TIAM2: variants seen among roughly 807,000 people sequenced by gnomAD.
TIAM2 encodes TIAM Rac1 associated GEF 2, also known as rho guanine nucleotide exchange factor TIAM2.
TIAM2 carries 80 observed loss-of-function variants against 152.9 expected under a neutral mutation model. The observed-to-expected ratio is 0.52, with a 90% CI of 0.44 to 0.63. TIAM2 has a LOEUF of 0.63. Among genes scored for constraint, TIAM2 ranks in the 30% least tolerant of loss-of-function variants. The probability of loss-of-function intolerance (pLI) is 0.00; values close to 1 mark genes in which losing one functional copy is unlikely to be tolerated. For missense variants in TIAM2, 1,965 were observed against 2,120.1 expected, an observed-to-expected ratio of 0.93 and a Z score of 1.44; for synonymous variants, 804 against 838.0, an observed-to-expected ratio of 0.96 and a Z score of 0.70.
chr6:155,091,745 C>G (rs1289666294), intron 2 of TIAM2, among the ~76,000 whole-genome samples: 1 of 151,958 alleles, frequency 6.6e-6, no homozygotes, highest in Non-Finnish European at 1.5e-5. Flanking sequence ...ATCTAATTAG[C>G]CTTGGAGAGG....
chr6:155,015,923 C>T (rs1049046018), intron 1 of TIAM2, among the ~76,000 whole-genome samples: 2 of 116,680 alleles, frequency 1.7e-5, no homozygotes, highest in African/African-American at 5.9e-5. Flanking sequence ...GGCCACAGAG[C>T]AAGACCCTGT....
intron 20 of TIAM2, among the ~76,000 whole-genome samples, chr6:155,249,327 T>G (rs1249203271): frequency 6.6e-6 from 1 of 152,186 alleles, no homozygotes; most frequent in African/African-American, 2.4e-5. Context: ...GTTTTTAAGT[T>G]CCATTTAAAC....
At chr6:155,029,892 A>G (rs1285334879) in intron 1 of TIAM2, among the ~76,000 whole-genome samples, 2 of 151,630 alleles carry the variant, frequency 1.3e-5, no homozygotes, top group Non-Finnish European at 2.9e-5. Context: ...TCCCAGACAC[A>G]AGCCATCCTC....
At chr6:155,211,443 T>TTTG in intron 15 of TIAM2, 136 bp downstream of exon 15, 1 of 618,576 alleles carries the variant, frequency 1.6e-6, no homozygotes, top group Non-Finnish European at 2.8e-6. Context: ...CATATATATG[T>TTTG]TAAGGATACA....
intron 14 of TIAM2, among the ~76,000 whole-genome samples, chr6:155,206,236 T>A (rs549301533): frequency 6.6e-6 from 1 of 152,094 alleles, no homozygotes; most frequent in South Asian, 2.1e-4. Flanking sequence ...ACTGTCATCC[T>A]TGTCCACAGC....
At position 155,174,669 on chromosome 6, in the gene TIAM2, A is replaced by G. The variant is rs1199437154; in HGVS notation, c.2362-2147A>G. The stretch of plus-strand genomic sequence containing the variant: ...CAGACGTGAGCCATGGCGCCCGGCC[A>G]AGTGATACAGTCTTTCTCTGATTGT... On this transcript the variant is annotated intron_variant, in intron 9 of 26. Transcript: ENST00000682666. This position sits in a 1 kb window ranked among gnomAD's most constrained non-coding sequence, Gnocchi z 4.2. 6.6e-6 allele frequency among the ~76,000 whole-genome samples: 1 copy of G among 152,210 alleles called. No individual in the cohort carries two copies. The highest frequency in any genetic ancestry group is 2.4e-5 in the African/African-American group (1 of 41,460).
At chr6:155,187,416 G>T (rs1461538218) in intron 14 of TIAM2, among the ~76,000 whole-genome samples, 1 of 151,936 alleles carries the variant, frequency 6.6e-6, no homozygotes, top group Admixed American at 6.6e-5. Flanking sequence ...GACATTCATT[G>T]ATACTAATAA....
intron 2 of TIAM2, among the ~76,000 whole-genome samples, chr6:155,120,007 C>T (rs910665285): frequency 2.6e-5 from 4 of 152,252 alleles, no homozygotes; most frequent in Admixed American, 6.5e-5. Context: ...CCACGACCCA[C>T]GGCTTGATCA....
At chr6:155,233,023 G>T (rs1782558713) in intron 15 of TIAM2, 1 of 152,156 alleles carries the variant, frequency 6.6e-6, no homozygotes, top group Admixed American at 6.5e-5. Flanking sequence ...ACAAGAGTTT[G>T]CAGTACCCAG....
At position 155,257,190 on chromosome 6, in the gene TIAM2, CAA is replaced by C. The variant is rs11455127; in HGVS notation, c.*89_*90del. 120,824 of 526,024 alleles carry C rather than the reference CAA, an allele frequency of 0.23. 4,598 individuals carry two copies. The highest frequency in any genetic ancestry group is 0.38 in the East Asian group (9,332 of 24,560). The allele number at this position is 526,024 out of a possible 1,614,324, so 32.6% of individuals were successfully genotyped here. A position where few individuals can be genotyped will look rare whatever the true frequency, so the allele number is the denominator to read the frequency against. On this transcript the variant is annotated 3_prime_UTR_variant, in exon 27 of 27. Transcript: ENST00000682666. Reference sequence around the variant, plus strand: ...TAAACTGGTGGTAAAGTGGAAATTGCAAAAAAAAAAAAAAAAAAAAACTGTTC... The same window carrying C: ...TAAACTGGTGGTAAAGTGGAAATTGCAAAAAAAAAAAAAAAAAAACTGTTC...
In TIAM2 at chr6:155,144,756, T is replaced by C. The variant is rs761553481; in HGVS notation, c.1781T>C (p.Phe594Ser). 2 of 1,610,588 alleles carry C rather than the reference T, an allele frequency of 1.2e-6. No homozygotes were observed. The highest frequency in any genetic ancestry group is 1.7e-6 in the Non-Finnish European group (2 of 1,178,724). ...KENVFCLSNS[F>S]GDVYLFQATS... ...AATGTGTTCTGCCTCAGCAACTCCT[T>C]TGGAGATGTCTACCTTTTCCAGGTA... Residue 594 changes from phenylalanine to serine, a missense_variant, in exon 6 of 27, where the codon TTT (phenylalanine) becomes TCT (serine). Phe to Ser is a radical substitution (Grantham distance 155). Around this residue, in one of 3 missense-constraint regions of TIAM2, gnomAD observed 1,025 missense variants for 1,119.4 expected, o/e 0.92. Transcript: ENST00000682666.
intron 4 of TIAM2, among the ~76,000 whole-genome samples, 164 bp from the exon 5 acceptor site, chr6:155,137,013 T>C (rs1450246128): frequency 6.6e-6 from 1 of 152,264 alleles, no homozygotes; most frequent in Non-Finnish European, 1.5e-5. Context: ...TTTAAAATTC[T>C]TTCTGGTATG....
chr6:155,189,014 C>T (rs901308984), intron 14 of TIAM2, among the ~76,000 whole-genome samples: 7 of 152,134 alleles, frequency 4.6e-5, no homozygotes, highest in Admixed American at 1.3e-4. Context: ...TTTTTTAAAT[C>T]GCTGTGAGTA....
intron 2 of TIAM2, among the ~76,000 whole-genome samples, chr6:155,101,512 G>C (rs1187813072): frequency 6.6e-6 from 1 of 152,130 alleles, no homozygotes; most frequent in Non-Finnish European, 1.5e-5. Flanking sequence ...CTCTACTTAT[G>C]ATTGTTATTC....
intron 1 of TIAM2, among the ~76,000 whole-genome samples, chr6:155,015,938 A>G (rs1778568517): frequency 7.0e-6 from 1 of 143,184 alleles, no homozygotes; most frequent in South Asian, 2.2e-4. Context: ...CCCTGTTTCA[A>G]AAAACCAAAA....
At chr6:155,017,252 A>AG (rs1360624175) in intron 1 of TIAM2, among the ~76,000 whole-genome samples, 1 of 152,004 alleles carries the variant, frequency 6.6e-6, no homozygotes, top group Non-Finnish European at 1.5e-5. Flanking sequence ...AGGAAAACTG[A>AG]GGGGCAAGGG....
At chr6:155,227,293 G>A (rs1782283538) in intron 15 of TIAM2, among the ~76,000 whole-genome samples, 1 of 152,138 alleles carries the variant, frequency 6.6e-6, no homozygotes, top group African/African-American at 2.4e-5. Flanking sequence ...AAACTGCAGG[G>A]GTGCTGAGTC....
intron 14 of TIAM2, among the ~76,000 whole-genome samples, chr6:155,189,118 T>C (rs927886544): frequency 1.3e-5 from 2 of 152,186 alleles, no homozygotes; most frequent in Admixed American, 1.3e-4. Flanking sequence ...TTATATAGCT[T>C]CTCACCAGGG....
Position 155,165,369 on chromosome 6 carries a change from T to A in TIAM2, c.2321T>A (p.Leu774Gln). 6.2e-7 allele frequency: 1 copy of A among 1,614,138 alleles called. No individual in the cohort carries two copies. The highest frequency in any genetic ancestry group is 1.1e-5 in the South Asian group (1 of 91,068). ...TCTTCGTTAAAAGGGCTGGACACAC[T>A]GGCCAGAAAAGGCAAGGAGAAGAGA... is the stretch of plus-strand genomic sequence containing the variant. ...IFSSLKGLDT[L>Q]ARKGKEKRPS... is the part of the protein sequence containing the mutation. Residue 774 changes from leucine (L) to glutamine (Q), a missense_variant, in exon 9 of 27, where the codon CTG (leucine) becomes CAG (glutamine). By Grantham distance (113) the Leu-to-Gln change is moderately radical. Transcript: ENST00000682666.
Sources: gnomAD v4.1 joint callset for allele counts (sites outside exome capture counted in the v4.1 genomes callset) on GRCh38, gnomAD v4.1.1 for gene constraint, gnomAD v4.1.1 regional missense constraint, Gnocchi (gnomAD v3.1) non-coding constraint, MANE v1.5 for transcripts, NCBI Gene and HGNC (gene_info 2026-07-23, HGNC 2026-07-21) for gene names.